KIF16B: variants seen among roughly 807,000 people sequenced by gnomAD.
The protein encoded by KIF16B is kinesin-like protein KIF16B.
Under a neutral mutation model 156.3 loss-of-function variants are expected in KIF16B, and 98 were observed. That is an observed-to-expected ratio of 0.63 (90% CI 0.53 to 0.74). The LOEUF (loss-of-function observed/expected upper bound fraction) is 0.74. KIF16B is among the 30% of genes least tolerant of loss of function. KIF16B has a pLI of 0.00. For synonymous variants in KIF16B, 564 were observed against 583.7 expected (o/e 0.97, Z 0.49); for missense variants, 1,421 against 1,606.5 (o/e 0.88, Z 1.97).
chr20:16,387,115 T>C (rs2065247581), intron 17 of KIF16B, among the ~76,000 whole-genome samples: 1 of 152,192 alleles, frequency 6.6e-6, no homozygotes, highest in Non-Finnish European at 1.5e-5. Flanking sequence ...CAAGCTCCTC[T>C]GCCTAATGAC....
intron 23 of KIF16B, among the ~76,000 whole-genome samples, chr20:16,351,193 C>T (rs1377454334): frequency 6.6e-6 from 1 of 152,108 alleles, no homozygotes; most frequent in Non-Finnish European, 1.5e-5. Context: ...AAAATAAACA[C>T]ACCAGTGTTG....
At chr20:16,449,049 T>A (rs1288175962) in intron 12 of KIF16B, among the ~76,000 whole-genome samples, 2 of 151,536 alleles carry the variant, frequency 1.3e-5, no homozygotes, top group African/African-American at 4.9e-5. Flanking sequence ...GTGTCAAGAA[T>A]AAATAGATGA....
chr20:16,305,214 A>C (rs1161159395), intron 25 of KIF16B, among the ~76,000 whole-genome samples: 2 of 151,350 alleles, frequency 1.3e-5, no homozygotes, highest in Non-Finnish European at 3.0e-5. Flanking sequence ...CGTGGACCAC[A>C]AACAATTTCA....
At chr20:16,311,181 T>G (rs1167964280) in intron 25 of KIF16B, among the ~76,000 whole-genome samples, 1 of 152,174 alleles carries the variant, frequency 6.6e-6, no homozygotes, top group African/African-American at 2.4e-5. Context: ...GTCTTACTAT[T>G]ATTACTCTTA....
At chr20:16,460,430 G>A (rs1211457777) in intron 12 of KIF16B, among the ~76,000 whole-genome samples, 1 of 152,104 alleles carries the variant, frequency 6.6e-6, no homozygotes, top group Admixed American at 6.5e-5. Context: ...AATTAGCCAG[G>A]TGTAGTAGCA....
intron 17 of KIF16B, among the ~76,000 whole-genome samples, chr20:16,394,728 G>GA (rs912976250): frequency 2.2e-4 from 33 of 147,812 alleles, no homozygotes; most frequent in Non-Finnish European, 3.0e-4. Flanking sequence ...AGGTGAGCAA[G>GA]AAAAAAAAAA....
Position 16,510,418 on chromosome 20 carries a change from G to A in KIF16B, c.556+1000C>T, listed in dbSNP as rs534137867. Among the ~76,000 whole-genome samples, 18 of 152,290 alleles carry A rather than the reference G, an allele frequency of 1.2e-4. No individual in the cohort carries two copies. The East Asian group carries it at 1.9e-3, about 16-fold the overall frequency. On this transcript the variant is annotated intron_variant, in intron 6 of 25. Transcript: ENST00000354981. ...TGTAATCCCAGCACATTGGGAAGCC[G>A]AGGCAGGTGGATCATGAGGTCAGGA...
At chr20:16,509,036 C>A (rs1679908616) in intron 6 of KIF16B, among the ~76,000 whole-genome samples, 1 of 152,170 alleles carries the variant, frequency 6.6e-6, no homozygotes, top group Non-Finnish European at 1.5e-5. Context: ...TATACATACA[C>A]AAGCAATCAT....
chr20:16,391,461 C>T (rs1274628081), intron 17 of KIF16B, among the ~76,000 whole-genome samples: 1 of 152,136 alleles, frequency 6.6e-6, no homozygotes, highest in Non-Finnish European at 1.5e-5. Context: ...AACCTCTATA[C>T]CAGTGTGGGG....
chr20:16,381,403 A>G (rs2065090432), intron 18 of KIF16B, among the ~76,000 whole-genome samples: 1 of 86,986 alleles, frequency 1.1e-5, no homozygotes, highest in East Asian at 1.7e-3. Flanking sequence ...TTAAATGAAT[A>G]CATTTTGGTG....
At chr20:16,283,224 C>T (rs2063173354) in intron 25 of KIF16B, among the ~76,000 whole-genome samples, 1 of 152,196 alleles carries the variant, frequency 6.6e-6, no homozygotes. Context: ...CGGCTCCACC[C>T]CATCCTGTTT....
intron 12 of KIF16B, among the ~76,000 whole-genome samples, chr20:16,460,838 T>C (rs2067328390): frequency 6.6e-6 from 1 of 151,900 alleles, no homozygotes; most frequent in Non-Finnish European, 1.5e-5. Flanking sequence ...AATAAATCAA[T>C]AACCTCGGAT....
chr20:16,463,304 C>T (rs1375787632), intron 12 of KIF16B, among the ~76,000 whole-genome samples: 2 of 152,158 alleles, frequency 1.3e-5, no homozygotes, highest in African/African-American at 2.4e-5. Flanking sequence ...GACAATGATG[C>T]TGCTTCAGAA....
intron 22 of KIF16B, among the ~76,000 whole-genome samples, chr20:16,362,151 T>C (rs2064563684): frequency 6.6e-6 from 1 of 152,216 alleles, no homozygotes; most frequent in African/African-American, 2.4e-5. Context: ...TACAATGTCA[T>C]TGATTAATCA....
At chr20:16,526,958 G>A (rs2147145904) in intron 2 of KIF16B, among the ~76,000 whole-genome samples, 1 of 152,320 alleles carries the variant, frequency 6.6e-6, no homozygotes, top group East Asian at 1.9e-4. Flanking sequence ...AACATCAGAT[G>A]ATAAAATGTT....
chr20:16,365,491 C>T (rs2064644000), intron 22 of KIF16B, among the ~76,000 whole-genome samples: 1 of 152,156 alleles, frequency 6.6e-6, no homozygotes, highest in Admixed American at 6.5e-5. Context: ...AAACCAAATG[C>T]CTCCACTGGT....
At chr20:16,410,036 C>CATAT (rs11471880) in intron 15 of KIF16B, among the ~76,000 whole-genome samples, 1 of 45,264 alleles carries the variant, frequency 2.2e-5, no homozygotes, top group African/African-American at 1.1e-4. Context: ...TATGTAGGTA[C>CATAT]ATATATATAT....
intron 16 of KIF16B, among the ~76,000 whole-genome samples, 178 bp from the exon 17 acceptor site, chr20:16,405,079 A>G (rs1212282099): frequency 1.3e-5 from 2 of 152,176 alleles, no homozygotes; most frequent in African/African-American, 4.8e-5. Context: ...GCCCTGATAC[A>G]TTTCAAACCC....
chr20:16,553,824 C>CCAGGAGCAGA lies in KIF16B; in HGVS notation c.47+19395_47+19404dup, dbSNP rs11467937. Reference sequence around the variant, plus strand: ...GCATGCTCCACAGAGCCAGCAGGAGCCAGGAGCAGACAGGAGCAGACAGGA... The same window carrying CCAGGAGCAGA: ...GCATGCTCCACAGAGCCAGCAGGAGCCAGGAGCAGACAGGAGCAGACAGGAGCAGACAGGA... On this transcript the variant is annotated intron_variant, in intron 1 of 25. Transcript: ENST00000354981. Among the ~76,000 whole-genome samples, 12 of 150,836 alleles carry CCAGGAGCAGA rather than the reference C, an allele frequency of 8.0e-5. No individual in the cohort carries two copies. In the South Asian group the frequency reaches 1.5e-3, roughly 18 times the overall value.
Sources: allele counts gnomAD v4.1 joint callset (sites outside exome capture counted in the v4.1 genomes callset), GRCh38; gene constraint gnomAD v4.1.1; transcripts MANE v1.5; gene names NCBI Gene and HGNC (gene_info 2026-07-23, HGNC 2026-07-21).